The following GALNT13 variants were observed in gnomAD, a reference collection of about 807,000 sequenced individuals.
GALNT13 encodes the protein UDP-GalNAc:polypeptide N-acetylgalactosaminyltransferase 13.
Under a neutral mutation model 64.2 loss-of-function variants are expected in GALNT13, and 28 were observed. The observed-to-expected ratio is 0.44, with a 90% CI of 0.32 to 0.60. The LOEUF (loss-of-function observed/expected upper bound fraction) is 0.60, where lower values mean the gene tolerates loss of function less well. GALNT13 is among the 20% of genes least tolerant of loss of function. The pLI is 0.05. For synonymous variants in GALNT13, 214 were observed against 224.6 expected, an observed-to-expected ratio of 0.95 and a Z score of 0.42; for missense variants, 577 against 669.8, an observed-to-expected ratio of 0.86 and a Z score of 1.53.
chr2:154,158,853 A>G (rs1684572844), intron 4 of GALNT13, among the ~76,000 whole-genome samples: 1 of 152,114 alleles, frequency 6.6e-6, no homozygotes, highest in Admixed American at 6.5e-5. Flanking sequence ...GCATTCCAAT[A>G]ATGGAACAGT....
the GALNT13 span, among the ~76,000 whole-genome samples, chr2:153,744,134 A>ACATGG: frequency 1.3e-5 from 2 of 152,130 alleles, no homozygotes; most frequent in Admixed American, 1.3e-4. Flanking sequence ...GTTGCAATAA[A>ACATGG]CATGGGAGTA....
At chr2:153,959,827 C>T (rs1417095752) in intron 3 of GALNT13, among the ~76,000 whole-genome samples, 1 of 152,046 alleles carries the variant, frequency 6.6e-6, no homozygotes, top group Non-Finnish European at 1.5e-5. Context: ...ACTATGGCTG[C>T]CCCCCACCAA....
At chr2:154,303,387 T>G (rs1469664746) in intron 9 of GALNT13, among the ~76,000 whole-genome samples, 1 of 152,034 alleles carries the variant, frequency 6.6e-6, no homozygotes, top group African/African-American at 2.4e-5. Context: ...AAATAGACTT[T>G]CCACTCCACT....
chr2:154,079,992 T>A (rs1051295030), intron 3 of GALNT13, among the ~76,000 whole-genome samples: 2 of 151,666 alleles, frequency 1.3e-5, no homozygotes, highest in Non-Finnish European at 3.0e-5. Context: ...TTGGGTATAA[T>A]GTGCTTTAAT....
chr2:154,269,817 A>G (rs1691225394), intron 8 of GALNT13, among the ~76,000 whole-genome samples: 1 of 148,858 alleles, frequency 6.7e-6, no homozygotes, highest in South Asian at 2.1e-4. Flanking sequence ...GGCTTTTTAA[A>G]TTTAAACCAC....
At chr2:153,563,684 G>C in the GALNT13 span, among the ~76,000 whole-genome samples, 1 of 151,364 alleles carries the variant, frequency 6.6e-6, no homozygotes, top group Non-Finnish European at 1.5e-5. Flanking sequence ...CCCAGAATAT[G>C]AAAATTCTTT....
At chr2:154,210,271 G>A (rs1573882182) in intron 4 of GALNT13, among the ~76,000 whole-genome samples, 1 of 152,252 alleles carries the variant, frequency 6.6e-6, no homozygotes, top group East Asian at 1.9e-4. Flanking sequence ...TATATTAACT[G>A]TTGTGAATAG....
the GALNT13 span, among the ~76,000 whole-genome samples, chr2:153,452,566 C>A: frequency 6.6e-6 from 1 of 151,674 alleles, no homozygotes; most frequent in African/African-American, 2.4e-5. Flanking sequence ...AAAGTAGTTT[C>A]TTTCTATCTA....
At chr2:153,431,812 A>G in the GALNT13 span, among the ~76,000 whole-genome samples, 1 of 152,244 alleles carries the variant, frequency 6.6e-6, no homozygotes, top group Non-Finnish European at 1.5e-5. Context: ...GTAATCAGTT[A>G]CATGTATAAC....
the GALNT13 span, among the ~76,000 whole-genome samples, chr2:153,616,999 C>T: frequency 4.6e-5 from 7 of 151,890 alleles, no homozygotes; most frequent in East Asian, 1.9e-4. Context: ...ACGATAATGG[C>T]CAAAGACTTC....
the GALNT13 span, among the ~76,000 whole-genome samples, chr2:153,203,642 G>A: frequency 1.3e-5 from 2 of 152,130 alleles, no homozygotes; most frequent in Non-Finnish European, 2.9e-5. Flanking sequence ...TAATCTCTAT[G>A]CTATATAGTT....
the GALNT13 span, among the ~76,000 whole-genome samples, chr2:153,659,544 T>C: frequency 6.6e-6 from 1 of 152,086 alleles, no homozygotes. Flanking sequence ...CATAATCAAA[T>C]AAGTATAGTA....
At chr2:153,309,015 A>G in the GALNT13 span, among the ~76,000 whole-genome samples, 29 of 152,238 alleles carry the variant, frequency 1.9e-4, 1 homozygote, top group South Asian at 6.2e-4. Flanking sequence ...AATGTTCAGC[A>G]ATCCAACTGA....
At chr2:153,381,299 C>G in the GALNT13 span, among the ~76,000 whole-genome samples, 1 of 152,028 alleles carries the variant, frequency 6.6e-6, no homozygotes, top group Admixed American at 6.6e-5. Flanking sequence ...TTGAAAGGAA[C>G]AAAGCCTTTT....
the GALNT13 span, among the ~76,000 whole-genome samples, chr2:153,385,939 A>G: frequency 2.6e-5 from 4 of 152,150 alleles, no homozygotes; most frequent in East Asian, 7.8e-4. Context: ...TCATATGGAA[A>G]TAAAGTCCTG....
At chr2:153,599,584 G>C in the GALNT13 span, among the ~76,000 whole-genome samples, 1 of 151,874 alleles carries the variant, frequency 6.6e-6, no homozygotes, top group Non-Finnish European at 1.5e-5. Context: ...CCCAAGGTCA[G>C]ACCTTATAAC....
At chr2:154,012,921 A>G (rs1456481290) in intron 3 of GALNT13, among the ~76,000 whole-genome samples, 1 of 151,956 alleles carries the variant, frequency 6.6e-6, no homozygotes, top group Admixed American at 6.6e-5. Context: ...GTTTGTATCT[A>G]TCTTAAAACG....
the GALNT13 span, among the ~76,000 whole-genome samples, chr2:153,577,838 A>G: frequency 6.6e-6 from 1 of 150,844 alleles, no homozygotes; most frequent in Admixed American, 6.6e-5. Context: ...TATTTTAATT[A>G]TATTCAATAT....
intron 9 of GALNT13, among the ~76,000 whole-genome samples, chr2:154,368,907 T>A (rs1697523154): frequency 6.6e-6 from 1 of 152,088 alleles, no homozygotes; most frequent in Non-Finnish European, 1.5e-5. Flanking sequence ...AAGGTCAGAT[T>A]TTGCTGGCCT....
Sources: gnomAD v4.1 joint callset for allele counts (sites outside exome capture counted in the v4.1 genomes callset) on GRCh38, gnomAD v4.1.1 for gene constraint, MANE v1.5 for transcripts, NCBI Gene and HGNC (gene_info 2026-07-23, HGNC 2026-07-21) for gene names.